DRC1: variants seen among roughly 807,000 people sequenced by gnomAD.
The protein encoded by DRC1 is dynein regulatory complex protein 1.
A neutral mutation model predicts 98.7 loss-of-function variants in DRC1; 74 were observed. That is an observed-to-expected ratio of 0.75 (90% CI 0.62 to 0.91). The LOEUF is 0.91. DRC1 is among the 40% of genes least tolerant of loss of function. The pLI is 0.00. For synonymous variants in DRC1, 336 were observed against 334.1 expected (o/e 1.01, Z -0.06); for missense variants, 875 against 886.0 (o/e 0.99, Z 0.16).
rs748057555 is a variant in DRC1, at chr2:26,402,182, A to C, written c.155+38A>C. On this transcript the variant is annotated intron_variant, in intron 1 of 16. Transcript: ENST00000288710. ...GCGGGCGGGGCGGGATCCGCGCCGC[A>C]GGAGCCGGAGAAGGGCTGGTTTCCT... 9 of 1,530,402 alleles carry C rather than the reference A, an allele frequency of 5.9e-6. No individual in the cohort carries two copies. In the South Asian group the frequency reaches 1.1e-4, roughly 19 times the overall value. The allele number at this position is 1,530,402 out of a possible 1,614,324, so 94.8% of individuals were successfully genotyped here.
chr2:26,417,218 G>C (rs1336234155), intron 2 of DRC1, among the ~76,000 whole-genome samples: 1 of 152,118 alleles, frequency 6.6e-6, no homozygotes, highest in Non-Finnish European at 1.5e-5. Flanking sequence ...CCAGCTCTGT[G>C]CCAATTCCAC....
At chr2:26,440,931 A>G (rs1251823675) in intron 8 of DRC1, among the ~76,000 whole-genome samples, 1 of 152,230 alleles carries the variant, frequency 6.6e-6, no homozygotes, top group Non-Finnish European at 1.5e-5. Flanking sequence ...TACCCACTGC[A>G]TAGATGCACT....
chr2:26,436,680 T>C (rs764215400), intron 7 of DRC1, among the ~76,000 whole-genome samples: 37 of 152,204 alleles, frequency 2.4e-4, no homozygotes, highest in Non-Finnish European at 3.7e-4. Flanking sequence ...ATGCATATGG[T>C]AGAGCTTGCA....
chr2:26,433,484 T>C (rs1663490781), intron 7 of DRC1, among the ~76,000 whole-genome samples: 2 of 152,326 alleles, frequency 1.3e-5, no homozygotes, highest in South Asian at 2.1e-4. Context: ...AAATCTGTAA[T>C]ACAATAGCAC....
chr2:26,413,304 A>G (rs982689587), intron 1 of DRC1, among the ~76,000 whole-genome samples: 4 of 152,208 alleles, frequency 2.6e-5, no homozygotes, highest in East Asian at 3.8e-4. Flanking sequence ...CAGTGCTACA[A>G]TCATCTTTCT....
Position 26,424,405 on chromosome 2 carries a change from G to A in DRC1, c.491G>A (p.Cys164Tyr), listed in dbSNP as rs751330750. 3.1e-6 allele frequency: 5 copies of A among 1,613,818 alleles called. No individual in the cohort carries two copies. The African/African-American group carries it at 4.0e-5, about 13-fold the overall frequency. ...WEMLNTQQLH[C>Y]AGLLEDKNKL... ...ATGCTCAATACCCAACAGCTGCACT[G>A]TGCTGGACTCTTAGAAGATAAGAAT... Residue 164 changes from cysteine to tyrosine, a missense_variant, in exon 4 of 17, where the codon TGT becomes TAT. Transcript: ENST00000288710.
At position 26,456,565 on chromosome 2, in the gene DRC1, T is replaced by A; in HGVS notation, c.*48T>A. ...TGTTAGGGCTGGCCTGATGCTGGTG[T>A]CTGTGCCGGAGCCAGCTCATATCAC... On this transcript the variant is annotated 3_prime_UTR_variant, in exon 17 of 17. Transcript: ENST00000288710. The A allele has an allele frequency of 6.2e-7, 1 of 1,609,734 alleles. No individual in the cohort carries two copies. Among genetic ancestry groups the A allele is most frequent in the Non-Finnish European group, 8.5e-7 (1 of 1,176,368 alleles).
intron 5 of DRC1, among the ~76,000 whole-genome samples, 194 bp downstream of exon 5, chr2:26,429,959 C>T (rs1012969186): frequency 2.6e-5 from 4 of 152,166 alleles, no homozygotes; most frequent in African/African-American, 9.7e-5. Context: ...CTACTATATG[C>T]TGGGCACTGT....
intron 12 of DRC1, 86 bp from the exon 13 acceptor site, chr2:26,450,506 C>T: frequency 8.0e-7 from 1 of 1,252,644 alleles, no homozygotes. Context: ...AAGCCTCCCG[C>T]TCTTAGGAGC....
chr2:26,424,483 C>T (rs759476242), intron 4 of DRC1, 29 bp downstream of exon 4: 20 of 1,583,760 alleles, frequency 1.3e-5, no homozygotes, highest in South Asian at 1.0e-4. Context: ...CCAGCCCAGC[C>T]ACAGGGGATC....
intron 4 of DRC1, among the ~76,000 whole-genome samples, chr2:26,429,273 T>C (rs1663368373): frequency 6.6e-6 from 1 of 151,876 alleles, no homozygotes; most frequent in Non-Finnish European, 1.5e-5. Flanking sequence ...TGGTGTGCAG[T>C]GGTGCAATCA....
chr2:26,448,692 A>C lies in DRC1; in HGVS notation c.1398A>C (p.Glu466Asp). 1 of 1,614,094 alleles carries C rather than the reference A, an allele frequency of 6.2e-7. No homozygotes were observed. Among genetic ancestry groups the C allele is most frequent in the Non-Finnish European group, 8.5e-7 (1 of 1,179,938 alleles). ...CTCCTCCCCATGACCCAACTGCAGA[A>C]GAGGAGGAGGCAGAAGAGGCCGCCG... The part of the protein sequence containing the change: ...QIVEEMLMRS[E>D]EEEAEEAAAE... The change falls in exon 11 of 17, where the codon GAA becomes GAC. Residue 466 changes from glutamate to aspartate, a missense_variant and splice_region_variant. Glu to Asp is a conservative substitution (Grantham distance 45). Transcript: ENST00000288710.
At chr2:26,414,267 G>A (rs1678719910) in intron 1 of DRC1, 77 bp from the exon 2 acceptor site, 2 of 1,475,716 alleles carry the variant, frequency 1.4e-6, no homozygotes, top group Non-Finnish European at 1.9e-6. Context: ...ATGAGCTACT[G>A]TGCCAGGCCA....
At chr2:26,416,653 G>C (rs1227250686) in intron 2 of DRC1, among the ~76,000 whole-genome samples, 1 of 152,076 alleles carries the variant, frequency 6.6e-6, no homozygotes, top group Admixed American at 6.5e-5. Context: ...AGTTGACCCA[G>C]CACCGTTTAC....
In DRC1 at chr2:26,413,395, A is replaced by G. The variant is rs78085357; in HGVS notation, c.156-949A>G. Among the ~76,000 whole-genome samples the G allele has an allele frequency of 1.8e-4, 28 of 152,330 alleles. 1 individual carries two copies. In the East Asian group the frequency reaches 5.4e-3, roughly 29 times the overall value. ...AGGATTGTTGGGTCAGAGGGAAGGC[A>G]CATTTAAGCTTTTGACAAATCTTGC... is the stretch of plus-strand genomic sequence containing the variant. On this transcript the variant is annotated intron_variant, in intron 1 of 16. Transcript: ENST00000288710.
intron 5 of DRC1, 188 bp from the exon 6 acceptor site, chr2:26,430,598 A>C (rs1311663905): frequency 1.4e-6 from 1 of 710,674 alleles, no homozygotes; most frequent in South Asian, 1.4e-5. Flanking sequence ...CGTCTTCATA[A>C]TGCTAATTTC....
chr2:26,432,245 C>G (rs1663455178), intron 7 of DRC1, among the ~76,000 whole-genome samples: 2 of 152,090 alleles, frequency 1.3e-5, no homozygotes, highest in Non-Finnish European at 2.9e-5. Context: ...ACTTGTAATC[C>G]CAGCACTTTG....
intron 2 of DRC1, among the ~76,000 whole-genome samples, chr2:26,415,814 C>A (rs1001785498): frequency 2.0e-5 from 3 of 151,958 alleles, no homozygotes; most frequent in Non-Finnish European, 4.4e-5. Flanking sequence ...CGCCTGGGGT[C>A]CCCCCTACTT....
intron 8 of DRC1, among the ~76,000 whole-genome samples, chr2:26,441,650 T>G (rs1663720563): frequency 6.6e-6 from 1 of 152,080 alleles, no homozygotes; most frequent in African/African-American, 2.4e-5. Flanking sequence ...TGCTGGCAGC[T>G]GGGAATGGCT....
Sources: gnomAD v4.1 joint callset for allele counts (sites outside exome capture counted in the v4.1 genomes callset) on GRCh38, gnomAD v4.1.1 for gene constraint, MANE v1.5 for transcripts, NCBI Gene and HGNC (gene_info 2026-07-23, HGNC 2026-07-21) for gene names.